Variants in NRK observed in about 807,000 individuals in gnomAD.
NRK encodes nik-related protein kinase.
Under a neutral mutation model 125.2 loss-of-function variants are expected in NRK, and 67 were observed. The ratio of observed to expected loss-of-function variants is 0.54; its 90% CI spans 0.44 to 0.66. The LOEUF is 0.66. Among genes scored for constraint, NRK ranks in the 30% least tolerant of loss-of-function variants. The pLI is 0.00. For synonymous variants in NRK, 458 were observed against 429.0 expected (o/e 1.07, Z -0.84); for missense variants, 1,224 against 1,192.9 (o/e 1.03, Z -0.38).
At chrX:105,955,076 A>G in intron 28 of NRK, among the ~76,000 whole-genome samples, 1 of 111,581 alleles carries the variant, frequency 9.0e-6, no homozygotes, top group Non-Finnish European at 1.9e-5. Context: ...AAATTGTACC[A>G]AGTAGAAAAT....
At chrX:105,845,816 T>C (rs2039393392) in intron 2 of NRK, among the ~76,000 whole-genome samples, 1 of 111,607 alleles carries the variant, frequency 9.0e-6, no homozygotes, top group Non-Finnish European at 1.9e-5. Context: ...TTCTGGCAAA[T>C]GTTTTGTAGT....
chrX:105,882,707 C>T (rs1017612413), intron 4 of NRK, among the ~76,000 whole-genome samples: 1 of 110,922 alleles, frequency 9.0e-6, no homozygotes, highest in Non-Finnish European at 1.9e-5. Context: ...AAAGATATTA[C>T]TAAACAACCT....
chrX:105,900,196 A>G (rs1362343490), intron 8 of NRK, among the ~76,000 whole-genome samples: 1 of 107,207 alleles, frequency 9.3e-6, no homozygotes, highest in African/African-American at 3.5e-5. Context: ...ACACACACAT[A>G]TCAGTCCTAT....
intron 2 of NRK, among the ~76,000 whole-genome samples, chrX:105,872,432 C>T (rs948797647): frequency 2.7e-5 from 3 of 111,911 alleles, no homozygotes; most frequent in Non-Finnish European, 5.6e-5. Flanking sequence ...ATCTCAAAAA[C>T]AGGCTACATC....
chrX:105,905,373 A>G (rs1250221831), intron 10 of NRK, 30 bp downstream of exon 10: 2 of 1,019,294 alleles, frequency 2.0e-6, no homozygotes, highest in African/African-American at 1.9e-5. Flanking sequence ...TCTCCTAATT[A>G]CATTGACTTG....
chrX:105,924,642 C>G, intron 18 of NRK, 53 bp from the exon 19 acceptor site: 1 of 1,031,388 alleles, frequency 9.7e-7, no homozygotes, highest in Non-Finnish European at 1.3e-6. Context: ...TGCTAACTTT[C>G]AAATGTGTTT....
At chrX:105,885,129 A>G (rs1206092027) in intron 4 of NRK, among the ~76,000 whole-genome samples, 1 of 112,225 alleles carries the variant, frequency 8.9e-6, no homozygotes, top group Non-Finnish European at 1.9e-5. Context: ...AATATATTTC[A>G]CTTTCAACAA....
intron 16 of NRK, among the ~76,000 whole-genome samples, chrX:105,921,748 T>C (rs1306324387): frequency 9.2e-6 from 1 of 108,667 alleles, no homozygotes; most frequent in African/African-American, 3.4e-5. Context: ...AGTCTACAGA[T>C]GGAAGAAAAC....
At chrX:105,876,865 G>A (rs1368394097) in intron 2 of NRK, among the ~76,000 whole-genome samples, 2 of 111,368 alleles carry the variant, frequency 1.8e-5, no homozygotes, top group Non-Finnish European at 3.8e-5. Flanking sequence ...CCACAAGATG[G>A]CACCACTGAA....
chrX:105,838,860 T>C (rs2039297536), intron 2 of NRK, among the ~76,000 whole-genome samples: 1 of 110,594 alleles, frequency 9.0e-6, no homozygotes, highest in Non-Finnish European at 1.9e-5. Context: ...CCTGAATTGT[T>C]TGCACTCTGA....
intron 7 of NRK, among the ~76,000 whole-genome samples, chrX:105,896,839 T>G (rs1369885980): frequency 9.0e-6 from 1 of 111,549 alleles, no homozygotes; most frequent in East Asian, 2.8e-4. Flanking sequence ...AGATACCTTG[T>G]CTCTAAACAA....
At chrX:105,876,439 C>A (rs2039817120) in intron 2 of NRK, among the ~76,000 whole-genome samples, 1 of 110,429 alleles carries the variant, frequency 9.1e-6, no homozygotes, top group Admixed American at 9.7e-5. Context: ...TCTTTGTACT[C>A]AAACTCTAGT....
chrX:105,890,559 G>A (rs1187062680), intron 5 of NRK, among the ~76,000 whole-genome samples: 3 of 112,423 alleles, frequency 2.7e-5, no homozygotes, highest in African/African-American at 6.5e-5. Context: ...AATTGACACA[G>A]TTCCACATGG....
intron 16 of NRK, among the ~76,000 whole-genome samples, chrX:105,918,502 ATTC>A (rs1432282387): frequency 8.9e-6 from 1 of 111,822 alleles, no homozygotes; most frequent in Admixed American, 9.5e-5. Flanking sequence ...AAAACACATT[ATTC>A]TTCTTAAGTG....
At chrX:105,870,773 A>C (rs189555303) in intron 2 of NRK, among the ~76,000 whole-genome samples, 110 of 111,919 alleles carry the variant, frequency 9.8e-4, no homozygotes, top group Non-Finnish European at 1.9e-4. Flanking sequence ...TTTCAAAGCT[A>C]CAAAGCCACT....
At chrX:105,842,322 T>C (rs967158900) in intron 2 of NRK, among the ~76,000 whole-genome samples, 6 of 111,361 alleles carry the variant, frequency 5.4e-5, no homozygotes, top group African/African-American at 2.0e-4. Flanking sequence ...TCAAAGCTGA[T>C]GACTAAATTT....
At chrX:105,830,638 A>C (rs1236518860) in intron 1 of NRK, among the ~76,000 whole-genome samples, 1 of 111,087 alleles carries the variant, frequency 9.0e-6, no homozygotes, top group Non-Finnish European at 1.9e-5. Context: ...CACTTAAGAT[A>C]GTTGAATGCA....
At chrX:105,874,012 T>C (rs1452364565) in intron 2 of NRK, among the ~76,000 whole-genome samples, 2 of 112,298 alleles carry the variant, frequency 1.8e-5, no homozygotes, top group Non-Finnish European at 3.8e-5. Flanking sequence ...GCTTGATAAC[T>C]ACGCTTTAAT....
At chrX:105,914,073 AT>A (rs1351790315) in intron 14 of NRK, among the ~76,000 whole-genome samples, 2 of 110,370 alleles carry the variant, frequency 1.8e-5, no homozygotes, top group African/African-American at 3.3e-5. Flanking sequence ...AATCAAGTAG[AT>A]TAGGTGAGTG....
Sources: allele counts gnomAD v4.1 joint callset (sites outside exome capture counted in the v4.1 genomes callset), GRCh38; gene constraint gnomAD v4.1.1; transcripts MANE v1.5; gene names NCBI Gene and HGNC (gene_info 2026-07-23, HGNC 2026-07-21).